Variants in BCAS3 observed in about 807,000 individuals in gnomAD.
BCAS3 encodes BCAS3 microtubule associated cell migration factor, also known as BCAS4/BCAS3 fusion.
In BCAS3, 53 loss-of-function variants were observed where a neutral mutation model predicts 116.1. That is an observed-to-expected ratio of 0.46 (90% CI 0.37 to 0.57). The LOEUF (loss-of-function observed/expected upper bound fraction) is 0.57. Among genes scored for constraint, BCAS3 ranks in the 20% least tolerant of loss-of-function variants. The pLI, the probability that BCAS3 is intolerant of heterozygous loss-of-function variation, is 0.00. For missense variants in BCAS3, 917 were observed against 1,165.4 expected (o/e 0.79, Z 3.10); for synonymous variants, 391 against 408.2 (o/e 0.96, Z 0.51).
At chr17:61,291,810 G>T (rs1178539422) in intron 22 of BCAS3, among the ~76,000 whole-genome samples, 1 of 152,204 alleles carries the variant, frequency 6.6e-6, no homozygotes, top group East Asian at 1.9e-4. Context: ...GGTTGTGCGT[G>T]TGTCGGTGTG....
rs2082514750 is a variant in BCAS3, at chr17:61,228,932, G to C, written c.2426-139395G>C. 6.6e-6 allele frequency among the ~76,000 whole-genome samples: 1 copy of C among 152,174 alleles called. No homozygotes were observed. Among genetic ancestry groups the C allele is most frequent in the Non-Finnish European group, 1.5e-5 (1 of 68,034 alleles). On this transcript the variant is annotated intron_variant, in intron 22 of 23. Transcript: ENST00000407086. This position sits in a 1 kb window ranked among gnomAD's most constrained non-coding sequence, Gnocchi z 5.0. ...AAAAGCCACGACAGGCTGAAAGCTA[G>C]TCCTCTTGCAGCAGTTAGCCGAGTT...
Position 61,376,898 on chromosome 17 carries a change from G to A in BCAS3, c.2593+8404G>A, listed in dbSNP as rs946711744. On this transcript the variant is annotated intron_variant, in intron 23 of 23. Transcript: ENST00000407086. This position sits in a 1 kb window ranked among gnomAD's most constrained non-coding sequence, Gnocchi z 4.5. The stretch of plus-strand genomic sequence containing the variant: ...TTAATGACCTCATCAGTGGCCCAAC[G>A]TGTTCTTTCTGTGGTTGGGGCAGGC... 2.6e-5 allele frequency among the ~76,000 whole-genome samples: 4 copies of A among 152,182 alleles called. No homozygotes were observed. The highest frequency in any genetic ancestry group is 4.8e-5 in the African/African-American group (2 of 41,434).
In BCAS3 at chr17:61,199,684, T is replaced by C. The variant is rs982752635; in HGVS notation, c.2425+115120T>C. Reference sequence around the variant, plus strand: ...GGGTAATGAATTACTAATACCATAGTTCCCTTCTCAAACAGCAGTGACAGC... The same window carrying C: ...GGGTAATGAATTACTAATACCATAGCTCCCTTCTCAAACAGCAGTGACAGC... On this transcript the variant is annotated intron_variant, in intron 22 of 23. Transcript: ENST00000407086. This position sits in a 1 kb window ranked among gnomAD's most constrained non-coding sequence, Gnocchi z 4.6. 6.6e-6 allele frequency among the ~76,000 whole-genome samples: 1 copy of C among 152,208 alleles called. No homozygotes were observed. The highest frequency in any genetic ancestry group is 1.5e-5 in the Non-Finnish European group (1 of 68,038).
At position 60,967,227 on chromosome 17, in the gene BCAS3, G is replaced by A; in HGVS notation, c.1221+19875G>A. Among the ~76,000 whole-genome samples, 1 of 152,104 alleles carries A rather than the reference G, an allele frequency of 6.6e-6. No homozygotes were observed. The highest frequency in any genetic ancestry group is 6.5e-5 in the Admixed American group (1 of 15,268). ...TTCTCGTTAGCATTTCTTGTTAGGT[G>A]GGTCAGGTGGTGGCAAATTATTTGT... On this transcript the variant is annotated intron_variant, in intron 14 of 23. Transcript: ENST00000407086. This position sits in a 1 kb window ranked among gnomAD's most constrained non-coding sequence, Gnocchi z 4.7.
intron 22 of BCAS3, among the ~76,000 whole-genome samples, chr17:61,107,450 G>A (rs989030918): frequency 3.9e-5 from 6 of 151,998 alleles, no homozygotes; most frequent in African/African-American, 1.2e-4. Context: ...GATACAAACC[G>A]TTCCGTCACC....
chr17:61,183,742 G>T (rs1189525077), intron 22 of BCAS3, among the ~76,000 whole-genome samples: 1 of 152,226 alleles, frequency 6.6e-6, no homozygotes, highest in African/African-American at 2.4e-5. Context: ...GTGCCTGATT[G>T]AAACTATGGA....
chr17:61,232,341 C>T (rs545641305), intron 22 of BCAS3, among the ~76,000 whole-genome samples: 4 of 150,856 alleles, frequency 2.7e-5, no homozygotes, highest in African/African-American at 4.9e-5. Flanking sequence ...TCTGGATAGA[C>T]GTGTGTTGCA....
intron 14 of BCAS3, among the ~76,000 whole-genome samples, chr17:60,971,829 G>C (rs1181401134): frequency 6.6e-6 from 1 of 152,086 alleles, no homozygotes; most frequent in Non-Finnish European, 1.5e-5. Context: ...AATTTTAGTT[G>C]ACCCATCCCC....
rs752726062 is a variant in BCAS3 at position 61,391,236 on chromosome 17, G to A, written c.2594-741G>A. The A allele has an allele frequency of 3.3e-5, 5 of 152,446 alleles. No homozygotes were observed. The Middle Eastern group carries it at 0.01, about 309-fold the overall frequency. The allele number at this position is 152,446 out of a possible 1,614,324, so 9.4% of individuals were successfully genotyped here. The stretch of plus-strand genomic sequence containing the variant: ...GGGAGGCAGAGGAGGAGGAGGGCGG[G>A]ACTCCCTGCCTGCCCTTCAGGTTGA... On this transcript the variant is annotated intron_variant, in intron 23 of 23. Coordinates refer to ENST00000407086, the MANE Select transcript of BCAS3 (RefSeq NM_017679.5). This position sits in a 1 kb window ranked among gnomAD's most constrained non-coding sequence, Gnocchi z 7.7.
At position 60,677,919 on chromosome 17, in the gene BCAS3, G is replaced by GAGGGCTGGC. The variant is rs1163619706; in HGVS notation, c.-6+12_-6+20dup. On this transcript the variant is annotated splice_donor_region_variant and intron_variant, in intron 1 of 23. Coordinates refer to ENST00000407086, the MANE Select transcript of BCAS3 (RefSeq NM_017679.5). ...CGTTAACCGGCGGGGCGGCCGGTGA[G>GAGGGCTGGC]AGGGCTGGCAGGGCTTTGGCTTTGG... is the stretch of plus-strand genomic sequence containing the variant. The GAGGGCTGGC allele has an allele frequency of 6.5e-6, 1 of 153,768 alleles. No individual in the cohort carries two copies. The highest frequency in any genetic ancestry group is 1.5e-5 in the Non-Finnish European group (1 of 68,862). 9.5% of individuals were successfully genotyped at this position (153,768 alleles called of 1,614,324 possible). A position where few individuals can be genotyped will look rare whatever the true frequency, so the allele number is the denominator to read the frequency against.
chr17:60,944,391 A>C (rs1427781596), intron 13 of BCAS3, among the ~76,000 whole-genome samples: 1 of 152,118 alleles, frequency 6.6e-6, no homozygotes, highest in Admixed American at 6.5e-5. Flanking sequence ...ATGGTAGTTA[A>C]AAATCTTCAA....
rs920027471 is a variant in BCAS3, at chr17:61,286,974, C to A, written c.2426-81353C>A. On this transcript the variant is annotated intron_variant, in intron 22 of 23. Transcript: ENST00000407086. The surrounding 1 kb of genome is among the most constrained non-coding windows in gnomAD (Gnocchi z 4.8). ...CCTAAAGAGCTCTATGGAGGCCAGG[C>A]GTGGTGGCTCGCGCCTGTAATCCCA... 1.3e-5 allele frequency among the ~76,000 whole-genome samples: 2 copies of A among 152,150 alleles called. No individual in the cohort carries two copies. The highest frequency in any genetic ancestry group is 2.9e-5 in the Non-Finnish European group (2 of 68,032).
At chr17:60,767,340 C>CTTTT (rs779804407) in intron 6 of BCAS3, among the ~76,000 whole-genome samples, 5 of 116,442 alleles carry the variant, frequency 4.3e-5, no homozygotes, top group Admixed American at 8.7e-5. Context: ...CTCAGAAGTC[C>CTTTT]TTTTTTTTTT....
rs534014524 is a variant in BCAS3, at chr17:61,188,564, T to C, written c.2425+104000T>C. Among the ~76,000 whole-genome samples the C allele has an allele frequency of 1.2e-4, 18 of 152,380 alleles. No individual in the cohort carries two copies. The South Asian group carries it at 3.5e-3, about 30-fold the overall frequency. On this transcript the variant is annotated intron_variant, in intron 22 of 23. Coordinates refer to ENST00000407086, the MANE Select transcript of BCAS3 (RefSeq NM_017679.5). This position sits in a 1 kb window ranked among gnomAD's most constrained non-coding sequence, Gnocchi z 4.0. ...TTACCTTTAAACAACTTTATTGTTA[T>C]TGGTGATTCTCTTTCTTTTTCTCTA... is the stretch of plus-strand genomic sequence containing the variant.
At chr17:60,784,194 C>T (rs919466878) in intron 6 of BCAS3, among the ~76,000 whole-genome samples, 9 of 145,944 alleles carry the variant, frequency 6.2e-5, no homozygotes, top group East Asian at 6.0e-4. Flanking sequence ...TTTGGGAATA[C>T]GCAGGAAAGA....
chr17:60,907,818 A>G (rs917547503), intron 11 of BCAS3, among the ~76,000 whole-genome samples: 1 of 152,184 alleles, frequency 6.6e-6, no homozygotes, highest in East Asian at 1.9e-4. Context: ...ATAGTCAGAT[A>G]TATACATACT....
At position 61,008,730 on chromosome 17, in the gene BCAS3, A is replaced by G. The variant is rs970508881; in HGVS notation, c.1487-7021A>G. ...AAAAATAAAAAAAAAGGCCCCGTAG[A>G]ACTCATCATCTAGTTTTTATTTTTG... On this transcript the variant is annotated intron_variant, in intron 15 of 23. Transcript: ENST00000407086. This position sits in a 1 kb window ranked among gnomAD's most constrained non-coding sequence, Gnocchi z 4.6. 2.0e-5 allele frequency among the ~76,000 whole-genome samples: 3 copies of G among 152,122 alleles called. No individual in the cohort carries two copies. The highest frequency in any genetic ancestry group is 4.8e-5 in the African/African-American group (2 of 41,448).
At chr17:60,881,115 C>T (rs1447426057) in intron 9 of BCAS3, among the ~76,000 whole-genome samples, 1 of 152,152 alleles carries the variant, frequency 6.6e-6, no homozygotes, top group Non-Finnish European at 1.5e-5. Context: ...GCTGGGACTA[C>T]AGGCGCCCGC....
intron 22 of BCAS3, among the ~76,000 whole-genome samples, chr17:61,351,983 T>C (rs1602969130): frequency 6.6e-6 from 1 of 152,258 alleles, no homozygotes; most frequent in East Asian, 1.9e-4. Context: ...TGCCAGCTCG[T>C]TGAGCTGTTT....
Sources: gnomAD v4.1 joint callset for allele counts (sites outside exome capture counted in the v4.1 genomes callset) on GRCh38, gnomAD v4.1.1 for gene constraint, Gnocchi (gnomAD v3.1) non-coding constraint, MANE v1.5 for transcripts, NCBI Gene and HGNC (gene_info 2026-07-23, HGNC 2026-07-21) for gene names.